The following PODXL2 variants were observed in gnomAD, a reference collection of about 807,000 sequenced individuals.
PODXL2 encodes podocalyxin like 2.
In PODXL2, 17 loss-of-function variants were observed where a neutral mutation model predicts 53.4. The observed-to-expected ratio is 0.32, with a 90% CI of 0.22 to 0.48. PODXL2 has a LOEUF of 0.48. Among genes scored for constraint, PODXL2 ranks in the 20% least tolerant of loss-of-function variants. The pLI is 0.99. For missense variants in PODXL2, 673 were observed against 760.0 expected (o/e 0.89, Z 1.35); for synonymous variants, 311 against 306.7 (o/e 1.01, Z -0.15).
intron 4 of PODXL2, among the ~76,000 whole-genome samples, chr3:127,666,218 G>A (rs2074794257): frequency 6.6e-6 from 1 of 152,132 alleles, no homozygotes; most frequent in Non-Finnish European, 1.5e-5. Context: ...TATGAATCAA[G>A]GAACTTTTTT....
chr3:127,661,142 C>A lies in PODXL2; in HGVS notation c.1114C>A (p.Pro372Thr). The part of the protein sequence containing the change: ...GQAAEAQSRI[P>T]WDSTQVICKD... ...GGCAGCTGAAGCTCAATCCAGGATACCCTGGGATTCTACGCAGGTAAAGTG... is the reference window on the plus strand; with the variant it reads ...GGCAGCTGAAGCTCAATCCAGGATAACCTGGGATTCTACGCAGGTAAAGTG... The change falls in exon 3 of 8, where the codon CCC becomes ACC. Residue 372 changes from proline to threonine, a missense_variant. By Grantham distance (38) the Pro-to-Thr change is conservative. Around this residue, in one of 3 missense-constraint regions of PODXL2, gnomAD observed 588 missense variants for 668.3 expected, o/e 0.88. Coordinates refer to ENST00000342480, the MANE Select transcript of PODXL2 (RefSeq NM_015720.4). 7 of 1,613,162 alleles carry A rather than the reference C, an allele frequency of 4.3e-6. No individual in the cohort carries two copies. Among genetic ancestry groups the A allele is most frequent in the Non-Finnish European group, 5.9e-6 (7 of 1,179,230 alleles).
At chr3:127,630,837 G>T (rs911243977) in intron 1 of PODXL2, among the ~76,000 whole-genome samples, 1 of 152,162 alleles carries the variant, frequency 6.6e-6, no homozygotes, top group African/African-American at 2.4e-5. Flanking sequence ...GGAAAAAGGC[G>T]ACATTCAATA....
At position 127,658,010 on chromosome 3, in the gene PODXL2, T is replaced by G. The variant is rs80345546; in HGVS notation, c.350-2368T>G. On this transcript the variant is annotated intron_variant, in intron 2 of 7. Coordinates refer to ENST00000342480, the MANE Select transcript of PODXL2 (RefSeq NM_015720.4). ...TGCTTTATGGTCCCACCCTTATGCT[T>G]CTTCATCAGGCTGGCTTTCTTAAAA... is the stretch of plus-strand genomic sequence containing the variant. Among the ~76,000 whole-genome samples the G allele has an allele frequency of 1.1e-3, 165 of 152,338 alleles. 2 individuals are homozygous for G. In the East Asian group the frequency reaches 0.03, roughly 27 times the overall value.
chr3:127,653,763 C>G (rs1374185145), intron 2 of PODXL2, among the ~76,000 whole-genome samples: 3 of 152,172 alleles, frequency 2.0e-5, no homozygotes, highest in Non-Finnish European at 4.4e-5. Flanking sequence ...ATTCCGTCCA[C>G]CCCTTGCTCG....
chr3:127,632,725 C>G (rs560438765), intron 1 of PODXL2, among the ~76,000 whole-genome samples: 1 of 152,296 alleles, frequency 6.6e-6, no homozygotes, highest in Admixed American at 6.5e-5. Context: ...ACTTAGGGTT[C>G]CACTTCCCAA....
chr3:127,656,025 G>C (rs561666822), intron 2 of PODXL2, among the ~76,000 whole-genome samples: 6 of 152,218 alleles, frequency 3.9e-5, no homozygotes, highest in Non-Finnish European at 8.8e-5. Flanking sequence ...GGAGGCAGAA[G>C]AATTCAAAAA....
chr3:127,630,184 G>A (rs557156827), intron 1 of PODXL2, among the ~76,000 whole-genome samples: 58 of 152,286 alleles, frequency 3.8e-4, no homozygotes, highest in African/African-American at 1.4e-3. Context: ...TGGAAATGGC[G>A]GGGAGAAGGG....
rs1224045558 is a variant in PODXL2 at position 127,629,332 on chromosome 3, C to T, written c.70+43C>T. On this transcript the variant is annotated intron_variant, in intron 1 of 7. Coordinates refer to ENST00000342480, the MANE Select transcript of PODXL2 (RefSeq NM_015720.4). This position sits in a 1 kb window ranked among gnomAD's most constrained non-coding sequence, Gnocchi z 6.4. ...CCGAGCGCGGGAGGGCGGGCGGCGGCGTGGGCGCGGTGCTGGACAGCTCCC... is the reference window on the plus strand; with the variant it reads ...CCGAGCGCGGGAGGGCGGGCGGCGGTGTGGGCGCGGTGCTGGACAGCTCCC... 1.3e-5 allele frequency: 13 copies of T among 1,008,490 alleles called. No individual in the cohort carries two copies. Among genetic ancestry groups the T allele is most frequent in the African/African-American group, 1.8e-5 (1 of 57,036 alleles). The allele number at this position is 1,008,490 out of a possible 1,614,324, so 62.5% of individuals were successfully genotyped here.
In PODXL2 at chr3:127,639,216, C is replaced by T. The variant is rs1202872366; in HGVS notation, c.71-29C>T. On this transcript the variant is annotated intron_variant, in intron 1 of 7. Coordinates refer to ENST00000342480, the MANE Select transcript of PODXL2 (RefSeq NM_015720.4). The stretch of plus-strand genomic sequence containing the variant: ...AGTCTTGTGTCTTCTCTAGCCTCCC[C>T]TGACTGTCTGGCTTTTATGTCTGCA... 9.6e-6 allele frequency: 15 copies of T among 1,557,054 alleles called. No homozygotes were observed. In the Admixed American group the frequency reaches 2.6e-4, roughly 26 times the overall value.
At chr3:127,648,491 T>G (rs949855463) in intron 2 of PODXL2, among the ~76,000 whole-genome samples, 2 of 152,224 alleles carry the variant, frequency 1.3e-5, no homozygotes, top group African/African-American at 4.8e-5. Context: ...CTTGTCATTC[T>G]TGTTCTGTGC....
At chr3:127,658,162 T>G (rs2074737752) in intron 2 of PODXL2, among the ~76,000 whole-genome samples, 1 of 152,220 alleles carries the variant, frequency 6.6e-6, no homozygotes, top group African/African-American at 2.4e-5. Flanking sequence ...AGAAGTGGAC[T>G]GGATAGAATA....
chr3:127,637,687 G>T (rs995607915), intron 1 of PODXL2, among the ~76,000 whole-genome samples: 1 of 152,148 alleles, frequency 6.6e-6, no homozygotes, highest in Non-Finnish European at 1.5e-5. Context: ...ACCTCAGGGC[G>T]TCTCTCTTAC....
Position 127,662,295 on chromosome 3 carries a change from C to G in PODXL2, c.1190C>G (p.Thr397Arg), listed in dbSNP as rs375912216. ...AAAAACTACATCATTCTGAACATGACAGAGAACATAGACTGTGTGAGTGCC... is the reference window on the plus strand; with the variant it reads ...AAAAACTACATCATTCTGAACATGAGAGAGAACATAGACTGTGTGAGTGCC... ...AGKNYIILNM[T>R]ENIDCEVFRQ... Residue 397 changes from threonine to arginine, a missense_variant, in exon 4 of 8, where the codon ACA becomes AGA. By Grantham distance (71) the Thr-to-Arg change is moderately conservative. Coordinates refer to ENST00000342480, the MANE Select transcript of PODXL2 (RefSeq NM_015720.4). The G allele has an allele frequency of 1.2e-6, 2 of 1,613,684 alleles. No individual in the cohort carries two copies.
At chr3:127,631,152 T>C (rs1274939531) in intron 1 of PODXL2, among the ~76,000 whole-genome samples, 1 of 151,800 alleles carries the variant, frequency 6.6e-6, no homozygotes, top group Non-Finnish European at 1.5e-5. Context: ...GCTTACAGAG[T>C]GGAGGTAGCG....
intron 2 of PODXL2, among the ~76,000 whole-genome samples, chr3:127,654,562 T>G (rs1190619619): frequency 1.3e-5 from 2 of 152,208 alleles, no homozygotes; most frequent in Non-Finnish European, 2.9e-5. Context: ...GAGACATTTG[T>G]AATACTGAAA....
At chr3:127,658,731 C>A (rs1442225157) in intron 2 of PODXL2, among the ~76,000 whole-genome samples, 1 of 152,114 alleles carries the variant, frequency 6.6e-6, no homozygotes, top group Non-Finnish European at 1.5e-5. Context: ...CCTTATAATT[C>A]TAAAATCACA....
At chr3:127,632,665 A>G (rs576372281) in intron 1 of PODXL2, among the ~76,000 whole-genome samples, 4 of 152,180 alleles carry the variant, frequency 2.6e-5, no homozygotes, top group South Asian at 2.1e-4. Flanking sequence ...AGCCCTGGGG[A>G]TACTGCTTTT....
At chr3:127,653,785 T>G (rs1200660526) in intron 2 of PODXL2, among the ~76,000 whole-genome samples, 1 of 152,214 alleles carries the variant, frequency 6.6e-6, no homozygotes, top group African/African-American at 2.4e-5. Flanking sequence ...ACTCCCCCAT[T>G]ATTAACACTT....
rs1316318028 is a variant in PODXL2 at position 127,672,357 on chromosome 3, G to C, written c.1695G>C (p.Gln565His). The C allele has an allele frequency of 7.1e-6, 11 of 1,549,888 alleles. No homozygotes were observed. Among genetic ancestry groups the C allele is most frequent in the Non-Finnish European group, 9.6e-6 (11 of 1,147,800 alleles). ...DVASDSQSEM[Q>H]EKHPSLNGGG... Reference sequence around the variant, plus strand: ...CCAGCGACAGCCAGTCGGAGATGCAGGAGAAGCACCCCAGCCTGAACGGCG... The same window carrying C: ...CCAGCGACAGCCAGTCGGAGATGCACGAGAAGCACCCCAGCCTGAACGGCG... Residue 565 changes from glutamine (Q) to histidine (H), a missense_variant, in exon 8 of 8, where the codon CAG becomes CAC. Transcript: ENST00000342480.
Sources: allele counts gnomAD v4.1 joint callset (sites outside exome capture counted in the v4.1 genomes callset), GRCh38; gene constraint gnomAD v4.1.1; regional missense constraint gnomAD v4.1.1; non-coding constraint Gnocchi (gnomAD v3.1); transcripts MANE v1.5; gene names NCBI Gene and HGNC (gene_info 2026-07-23, HGNC 2026-07-21).